Variants in TMEM132D observed in about 807,000 individuals in gnomAD.
The protein encoded by TMEM132D is mature OL transmembrane protein.
In TMEM132D, 21 loss-of-function variants were observed where a neutral mutation model predicts 62.3. The observed-to-expected ratio is 0.34, with a 90% CI of 0.24 to 0.49. The LOEUF (loss-of-function observed/expected upper bound fraction) is 0.49, where lower values mean the gene tolerates loss of function less well. TMEM132D is among the 20% of genes least tolerant of loss of function. The pLI, the probability that TMEM132D is intolerant of heterozygous loss-of-function variation, is 0.99. For synonymous variants in TMEM132D, 621 were observed against 575.6 expected, an observed-to-expected ratio of 1.08 and a Z score of -1.13; for missense variants, 1,346 against 1,402.8, an observed-to-expected ratio of 0.96 and a Z score of 0.65.
intron 3 of TMEM132D, among the ~76,000 whole-genome samples, chr12:129,428,671 C>T (rs961398048): frequency 3.3e-5 from 5 of 152,152 alleles, no homozygotes; most frequent in African/African-American, 9.7e-5. Flanking sequence ...TGATATAAAA[C>T]GGTATTTGGC....
chr12:129,263,011 A>G (rs1425960745), intron 4 of TMEM132D, among the ~76,000 whole-genome samples: 2 of 152,164 alleles, frequency 1.3e-5, no homozygotes, highest in South Asian at 4.1e-4. Context: ...GCAGACAGGA[A>G]TGAGAAAGTC....
chr12:129,082,129 C>G (rs1430523526), intron 6 of TMEM132D, 97 bp from the exon 7 acceptor site: 3 of 1,441,722 alleles, frequency 2.1e-6, no homozygotes, highest in Non-Finnish European at 1.9e-6. Context: ...GGTAGGTAGG[C>G]CATGAGACTT....
At chr12:129,636,852 C>T (rs1879496418) in intron 2 of TMEM132D, among the ~76,000 whole-genome samples, 2 of 151,740 alleles carry the variant, frequency 1.3e-5, no homozygotes, top group Admixed American at 6.6e-5. Context: ...AATTTTTCTC[C>T]ATATTTGACA....
intron 3 of TMEM132D, among the ~76,000 whole-genome samples, chr12:129,463,645 C>A (rs1873766485): frequency 6.6e-6 from 1 of 150,928 alleles, no homozygotes; most frequent in African/African-American, 2.4e-5. Context: ...CCACAACAGG[C>A]CCCGATGTGT....
chr12:129,332,077 C>T (rs536517431), intron 4 of TMEM132D, among the ~76,000 whole-genome samples: 3 of 152,264 alleles, frequency 2.0e-5, no homozygotes, highest in Admixed American at 2.0e-4. Context: ...GGGCTAATAT[C>T]TGGAGAAGAG....
chr12:129,271,442 T>C (rs1050737009), intron 4 of TMEM132D, among the ~76,000 whole-genome samples: 1 of 151,726 alleles, frequency 6.6e-6, no homozygotes, highest in Non-Finnish European at 1.5e-5. Context: ...GTGCAGAACA[T>C]GCAGGTTTGT....
intron 3 of TMEM132D, among the ~76,000 whole-genome samples, chr12:129,408,226 C>G (rs1309049993): frequency 6.6e-6 from 1 of 152,170 alleles, no homozygotes; most frequent in African/African-American, 2.4e-5. Context: ...GGAGAAACTG[C>G]TTTTTCTTCA....
intron 4 of TMEM132D, among the ~76,000 whole-genome samples, chr12:129,245,709 G>C (rs1444154989): frequency 6.6e-6 from 1 of 152,082 alleles, no homozygotes; most frequent in African/African-American, 2.4e-5. Context: ...CCAGCACCGT[G>C]GTGGCTAAAA....
chr12:129,236,104 TTG>T (rs71072452), intron 4 of TMEM132D, among the ~76,000 whole-genome samples: 45,107 of 146,798 alleles, frequency 0.31, 6,809 homozygotes, highest in Admixed American at 0.36. Flanking sequence ...TGATGCTATT[TTG>T]TGTGTGTGTG....
intron 3 of TMEM132D, among the ~76,000 whole-genome samples, chr12:129,425,572 C>A (rs1202525764): frequency 6.6e-6 from 1 of 152,118 alleles, no homozygotes; most frequent in Non-Finnish European, 1.5e-5. Context: ...CAGTCAAGAA[C>A]AAAGTGGCCA....
rs369857167 is a variant in TMEM132D at position 129,903,373 on chromosome 12, C to G, written c.-34G>C. 1 of 1,545,782 alleles carries G rather than the reference C, an allele frequency of 6.5e-7. No homozygotes were observed. Among genetic ancestry groups the G allele is most frequent in the Admixed American group, 2.0e-5 (1 of 50,968 alleles). On this transcript the variant is annotated 5_prime_UTR_variant, in exon 1 of 9. Transcript: ENST00000422113. This position sits in a 1 kb window ranked among gnomAD's most constrained non-coding sequence, Gnocchi z 6.2. ...CCCGGAGCGCAGATCCTCCGCTCCC[C>G]GGCGCCGTCCAGGCGAACAAGAGAC...
intron 3 of TMEM132D, among the ~76,000 whole-genome samples, chr12:129,424,707 C>CAA (rs11385383): frequency 0.029 from 902 of 31,208 alleles, 49 homozygotes; most frequent in Non-Finnish European, 0.038. Flanking sequence ...GACTCCATCT[C>CAA]AAAAAAAAAA....
At chr12:129,406,272 A>T (rs935027164) in intron 3 of TMEM132D, among the ~76,000 whole-genome samples, 3 of 152,204 alleles carry the variant, frequency 2.0e-5, no homozygotes, top group Non-Finnish European at 4.4e-5. Context: ...TCCATATATA[A>T]ACACACATAC....
chr12:129,427,698 G>A (rs1377121322), intron 3 of TMEM132D, among the ~76,000 whole-genome samples: 1 of 151,460 alleles, frequency 6.6e-6, no homozygotes, highest in African/African-American at 2.4e-5. Context: ...ATTCCTGGAA[G>A]AAAGAAAATC....
At chr12:129,675,554 A>G (rs1381898517) in intron 2 of TMEM132D, among the ~76,000 whole-genome samples, 1 of 152,144 alleles carries the variant, frequency 6.6e-6, no homozygotes, top group Non-Finnish European at 1.5e-5. Flanking sequence ...TAAAAATAAA[A>G]TTATCGTGTA....
chr12:129,076,417 C>A (rs540446019), intron 8 of TMEM132D, among the ~76,000 whole-genome samples: 1 of 151,686 alleles, frequency 6.6e-6, no homozygotes, highest in Non-Finnish European at 1.5e-5. Flanking sequence ...TTTTTTTTCT[C>A]TTATGACCTA....
chr12:129,767,036 G>C (rs148761320), intron 1 of TMEM132D, among the ~76,000 whole-genome samples: 1 of 152,208 alleles, frequency 6.6e-6, no homozygotes, highest in African/African-American at 2.4e-5. Context: ...TACACTGCCC[G>C]TGGAGTAGCC....
intron 1 of TMEM132D, among the ~76,000 whole-genome samples, chr12:129,901,100 G>A (rs181147877): frequency 1.9e-3 from 284 of 152,302 alleles, no homozygotes; most frequent in Non-Finnish European, 2.6e-3. Context: ...TGTGGAAACA[G>A]ATATTTAATA....
chr12:129,704,634 T>G (rs1334843811), intron 1 of TMEM132D, among the ~76,000 whole-genome samples: 1 of 152,186 alleles, frequency 6.6e-6, no homozygotes, highest in Non-Finnish European at 1.5e-5. Flanking sequence ...TCTCCCCTGC[T>G]GGGCATGTCA....
Sources: gnomAD v4.1 joint callset for allele counts (sites outside exome capture counted in the v4.1 genomes callset) on GRCh38, gnomAD v4.1.1 for gene constraint, Gnocchi (gnomAD v3.1) non-coding constraint, MANE v1.5 for transcripts, NCBI Gene and HGNC (gene_info 2026-07-23, HGNC 2026-07-21) for gene names.